The following KPTN variants were observed in gnomAD, a reference collection of about 807,000 sequenced individuals.
KPTN encodes KICSTOR complex protein kaptin.
A neutral mutation model predicts 52.6 loss-of-function variants in KPTN; 36 were observed. That is an observed-to-expected ratio of 0.68 (90% confidence interval 0.52 to 0.90). The LOEUF (loss-of-function observed/expected upper bound fraction) is 0.90, where lower values mean the gene tolerates loss of function less well. KPTN is among the 40% of genes least tolerant of loss of function. KPTN has a pLI of 0.00. For synonymous variants in KPTN, 271 were observed against 248.4 expected, an observed-to-expected ratio of 1.09 and a Z score of -0.85; for missense variants, 529 against 576.2, an observed-to-expected ratio of 0.92 and a Z score of 0.84.
chr19:47,479,887 C>CA lies in KPTN; in HGVS notation c.762dup (p.Val255CysfsTer18). On this transcript the variant is annotated frameshift_variant, in exon 8 of 12. Transcript: ENST00000338134. LOFTEE classifies it high-confidence loss of function. ...CCCTTGGCGGCCGAGAGGCTGAACA[C>CA]AATCACTCGGGAGATGGGACCGTCC... 6.2e-7 allele frequency: 1 copy of CA among 1,613,636 alleles called. No individual in the cohort carries two copies. Among genetic ancestry groups the CA allele is most frequent in the Non-Finnish European group, 8.5e-7 (1 of 1,179,814 alleles).
chr19:47,476,007 C>CAA (rs113284887), intron 11 of KPTN: 22 of 83,106 alleles, frequency 2.6e-4, no homozygotes, highest in African/African-American at 4.3e-4. Flanking sequence ...ACAAAAAAAC[C>CAA]AAAAAAAAAA....
At chr19:47,485,567 G>T (rs1258916179), upstream of KPTN, among the ~76,000 whole-genome samples, 1 of 152,210 alleles carries the variant, frequency 6.6e-6, no homozygotes, top group African/African-American at 2.4e-5. Flanking sequence ...GCAGCAGGCT[G>T]ATCTCCCTTG....
rs1419947142 is a variant in KPTN, at chr19:47,480,279, G to A, written c.709+19C>T. ...AGCCCTCAACCCCACCCCTTACCCC[G>A]CCTCACCGCGGCCCTCACCTCGACT... On this transcript the variant is annotated intron_variant, in intron 7 of 11. Transcript: ENST00000338134. 6 of 573,788 alleles carry A rather than the reference G, an allele frequency of 1.0e-5. No individual in the cohort carries two copies. Among genetic ancestry groups the A allele is most frequent in the South Asian group, 8.2e-5 (4 of 48,788 alleles). 35.5% of individuals were successfully genotyped at this position (573,788 alleles called of 1,614,324 possible). A position where few individuals can be genotyped will look rare whatever the true frequency, so the allele number is the denominator to read the frequency against.
chr19:47,478,567 TA>T lies in KPTN; in HGVS notation c.788-787del, dbSNP rs757744803. On this transcript the variant is annotated intron_variant, in intron 8 of 11. Transcript: ENST00000338134. ...CAACCAGCCTGACCAAGACTCTGTC[TA>T]AAAAAAAAAAAAAAAAAAAAGACAT... 3.0e-3 allele frequency among the ~76,000 whole-genome samples: 196 copies of T among 66,222 alleles called. 3 individuals carry two copies. Among genetic ancestry groups the T allele is most frequent in the Middle Eastern group, 0.014 (1 of 74 alleles). 43.4% of individuals were successfully genotyped at this position (66,222 alleles called of 152,430 possible).
chr19:47,475,364 G>C lies in KPTN; in HGVS notation c.*52C>G. On this transcript the variant is annotated 3_prime_UTR_variant, in exon 12 of 12. Transcript: ENST00000338134. ...GGACACCCCCCACCAGCGGCTGGAG[G>C]TGAGCACGCCATGAGTCGCCCCAGG... 6.3e-7 allele frequency: 1 copy of C among 1,592,540 alleles called. No individual in the cohort carries two copies. Among genetic ancestry groups the C allele is most frequent in the Non-Finnish European group, 8.6e-7 (1 of 1,167,168 alleles).
At chr19:47,484,976 A>G (rs1034155315), upstream of KPTN, among the ~76,000 whole-genome samples, 10 of 152,192 alleles carry the variant, frequency 6.6e-5, no homozygotes, top group Admixed American at 6.5e-4. Context: ...CTAGGATTAT[A>G]GGCGTGAGCC....
intron 4 of KPTN, among the ~76,000 whole-genome samples, chr19:47,481,851 AC>A (rs1180075346): frequency 5.3e-5 from 8 of 152,210 alleles, no homozygotes; most frequent in African/African-American, 1.9e-4. Context: ...CTAGAATGGA[AC>A]CCACACACTT....
chr19:47,484,431 G>T (rs939879228), upstream of KPTN: 33 of 537,056 alleles, frequency 6.1e-5, no homozygotes, highest in Admixed American at 1.4e-4. Flanking sequence ...AGAGATGGGA[G>T]GTGGTGGCCA....
In KPTN at chr19:47,483,283, C is replaced by T. The variant is rs749419623; in HGVS notation, c.394+12G>A. On this transcript the variant is annotated intron_variant, in intron 3 of 11. Transcript: ENST00000338134. ...GGGACTCTCTCCCTCCTCCCGTCCA[C>T]GCCTCACTCACGGGCAATAGAGTCA... is the stretch of plus-strand genomic sequence containing the variant. 3.1e-5 allele frequency: 50 copies of T among 1,613,606 alleles called. No homozygotes were observed. The highest frequency in any genetic ancestry group is 1.3e-4 in the African/African-American group (10 of 74,904).
upstream of KPTN, chr19:47,484,621 G>A (rs1409663747): frequency 6.0e-6 from 1 of 166,888 alleles, no homozygotes; most frequent in East Asian, 1.8e-4. Flanking sequence ...GAGGCACAGA[G>A]GGGTAAAGTA....
At chr19:47,481,113 C>T (rs928227993) in intron 4 of KPTN, 80 bp from the exon 5 acceptor site, 13 of 1,172,492 alleles carry the variant, frequency 1.1e-5, no homozygotes, top group Admixed American at 2.0e-5. Context: ...TGCAAAAACC[C>T]CTGCCTGTTG....
chr19:47,483,902 G>GC, intron 1 of KPTN, 33 bp downstream of exon 1: 1 of 1,611,074 alleles, frequency 6.2e-7, no homozygotes, highest in Non-Finnish European at 8.5e-7. Flanking sequence ...CACGTTCCAG[G>GC]CCCCCGCCCC....
chr19:47,477,651 C>T, intron 9 of KPTN, 55 bp downstream of exon 9: 1 of 1,333,970 alleles, frequency 7.5e-7, no homozygotes, highest in South Asian at 1.2e-5. Flanking sequence ...CAAGGTTAGA[C>T]CACAGTGCAA....
Position 47,481,041 on chromosome 19 carries a change from C to T in KPTN, c.450-8G>A. 1 of 1,572,424 alleles carries T rather than the reference C, an allele frequency of 6.4e-7. No individual in the cohort carries two copies. Among genetic ancestry groups the T allele is most frequent in the Non-Finnish European group, 8.6e-7 (1 of 1,157,148 alleles). ...TGATCCCCGACCTGGACCCTGAAAG[C>T]AGAGAAATCTAGAACCCAAGGTAGT... On this transcript the variant is annotated splice_region_variant and splice_polypyrimidine_tract_variant and intron_variant, in intron 4 of 11. Transcript: ENST00000338134.
intron 11 of KPTN, 100 bp from the exon 12 acceptor site, chr19:47,475,644 G>A (rs950172428): frequency 7.0e-5 from 98 of 1,405,012 alleles, no homozygotes; most frequent in Middle Eastern, 1.9e-4. Flanking sequence ...CCAGGAGCTC[G>A]GCCCACGTGG....
At chr19:47,477,079 T>C in intron 9 of KPTN, 141 bp from the exon 10 acceptor site, 1 of 862,284 alleles carries the variant, frequency 1.2e-6, no homozygotes, top group Non-Finnish European at 1.8e-6. Context: ...GACATCATCA[T>C]CTCAGATTTG....
At chr19:47,480,023 C>T in intron 7 of KPTN, 83 bp from the exon 8 acceptor site, 1 of 1,140,286 alleles carries the variant, frequency 8.8e-7, no homozygotes, top group Non-Finnish European at 1.3e-6. Context: ...TCCGCCCCCA[C>T]CGTTCATCCC....
Position 47,476,821 on chromosome 19 carries a change from C to T in KPTN, c.981G>A (p.Leu327=), listed in dbSNP as rs759964330. Residue 327 remains leucine, a synonymous_variant, in exon 10 of 12, where the codon CTG becomes CTA. Transcript: ENST00000338134. The part of the protein sequence containing the change: ...DVDLDGRPEV[L]VATYGQELLC... ...GTCCCACCTGTCCATAGGTGGCCACCAGGACTTCTGGCCGCCCATCCAAAT... is the reference window on the plus strand; with the variant it reads ...GTCCCACCTGTCCATAGGTGGCCACTAGGACTTCTGGCCGCCCATCCAAAT... 71 of 1,586,326 alleles carry T rather than the reference C, an allele frequency of 4.5e-5. No individual in the cohort carries two copies. The highest frequency in any genetic ancestry group is 5.4e-5 in the Non-Finnish European group (63 of 1,166,264).
chr19:47,478,522 G>C (rs1406224957), intron 8 of KPTN, among the ~76,000 whole-genome samples: 1 of 123,526 alleles, frequency 8.1e-6, no homozygotes, highest in African/African-American at 2.9e-5. Context: ...AGGTGATAGT[G>C]AGCCGAGATT....
Sources: gnomAD v4.1 joint callset for allele counts (sites outside exome capture counted in the v4.1 genomes callset) on GRCh38, gnomAD v4.1.1 for gene constraint, MANE v1.5 for transcripts, NCBI Gene and HGNC (gene_info 2026-07-23, HGNC 2026-07-21) for gene names.